PKD2L1: variants seen among roughly 807,000 people sequenced by gnomAD.
The protein encoded by PKD2L1 is polycystin 2 like 1, transient receptor potential cation channel, also known as polycystin-2-like protein 1.
Under a neutral mutation model 93.0 loss-of-function variants are expected in PKD2L1, and 77 were observed. The observed-to-expected ratio is 0.83, with a 90% CI of 0.69 to 1.00. PKD2L1 has a LOEUF of 1.00. Ranked by LOEUF, PKD2L1 falls within the 50% of genes least tolerant of loss-of-function variation. The pLI, the probability that PKD2L1 is intolerant of heterozygous loss-of-function variation, is 0.00. For missense variants in PKD2L1, 977 were observed against 990.9 expected, an observed-to-expected ratio of 0.99 and a Z score of 0.19; for synonymous variants, 390 against 388.0, an observed-to-expected ratio of 1.01 and a Z score of -0.06.
chr10:100,316,134 C>T (rs1218412192), intron 2 of PKD2L1, among the ~76,000 whole-genome samples: 1 of 152,144 alleles, frequency 6.6e-6, no homozygotes, highest in East Asian at 1.9e-4. Context: ...ACATGTCAGC[C>T]TTCCTTACTC....
chr10:100,328,047 AC>A (rs1281338927), intron 2 of PKD2L1, among the ~76,000 whole-genome samples: 1 of 152,184 alleles, frequency 6.6e-6, no homozygotes, highest in Admixed American at 6.5e-5. Flanking sequence ...AGCCTAGAAC[AC>A]CTACTAATGA....
Position 100,297,435 on chromosome 10 carries a change from C to T in PKD2L1, c.903G>A (p.Val301=). Reference sequence around the variant, plus strand: ...CATTGTAGACTGAGAAGTCGATGAACACCACTCGAGTGCCCCTGTCCAGCC... The same window carrying T: ...CATTGTAGACTGAGAAGTCGATGAATACCACTCGAGTGCCCCTGTCCAGCC... ...GLWLDRGTRV[V]FIDFSVYNAN... Residue 301 remains valine, a synonymous_variant, in exon 5 of 16, where the codon GTG becomes GTA. Transcript: ENST00000318222. 8 of 1,614,160 alleles carry T rather than the reference C, an allele frequency of 5.0e-6. No individual in the cohort carries two copies. The highest frequency in any genetic ancestry group is 3.3e-5 in the Admixed American group (2 of 60,012).
intron 2 of PKD2L1, among the ~76,000 whole-genome samples, chr10:100,305,012 A>C (rs1302829095): frequency 6.6e-6 from 1 of 152,192 alleles, no homozygotes; most frequent in Non-Finnish European, 1.5e-5. Context: ...TAGCTTCCCA[A>C]TAAGTGTTTG....
At chr10:100,303,698 A>G (rs541222140) in intron 2 of PKD2L1, among the ~76,000 whole-genome samples, 1 of 152,342 alleles carries the variant, frequency 6.6e-6, no homozygotes, top group South Asian at 2.1e-4. Flanking sequence ...CACACTGTTA[A>G]GTCCAAGATA....
intron 2 of PKD2L1, among the ~76,000 whole-genome samples, chr10:100,321,860 C>A (rs796601556): frequency 0.87 from 6,777 of 7,824 alleles, 3,282 homozygotes; most frequent in Non-Finnish European, 0.98. Flanking sequence ...AGAAGGCAGG[C>A]AGGCAGGCAG....
chr10:100,323,622 T>C (rs1346037425), intron 2 of PKD2L1, among the ~76,000 whole-genome samples: 1 of 152,148 alleles, frequency 6.6e-6, no homozygotes, highest in African/African-American at 2.4e-5. Context: ...GTATACATCA[T>C]GGAATGATCA....
At chr10:100,288,651 C>T (rs1035798102) in intron 15 of PKD2L1, among the ~76,000 whole-genome samples, 173 bp from the exon 16 acceptor site, 1 of 152,136 alleles carries the variant, frequency 6.6e-6, no homozygotes, top group Non-Finnish European at 1.5e-5. Flanking sequence ...AGCCATTACC[C>T]TCCCTCTCTT....
intron 2 of PKD2L1, among the ~76,000 whole-genome samples, chr10:100,325,612 T>C (rs1227910310): frequency 6.6e-6 from 1 of 152,166 alleles, no homozygotes; most frequent in African/African-American, 2.4e-5. Flanking sequence ...AATGGCACAT[T>C]TTCAGGTAGT....
chr10:100,324,955 C>T (rs1207277403), intron 2 of PKD2L1, among the ~76,000 whole-genome samples: 1 of 152,196 alleles, frequency 6.6e-6, no homozygotes, highest in South Asian at 2.1e-4. Context: ...AACACAACAG[C>T]CACCCCGCTT....
At chr10:100,294,385 A>G in intron 9 of PKD2L1, 150 bp downstream of exon 9, 1 of 799,162 alleles carries the variant, frequency 1.3e-6, no homozygotes, top group Non-Finnish European at 2.0e-6. Flanking sequence ...TACTACATTA[A>G]CCATCTCTCA....
intron 1 of PKD2L1, 27 bp downstream of exon 1, chr10:100,329,842 C>G (rs751020758): frequency 3.4e-6 from 5 of 1,474,400 alleles, no homozygotes; most frequent in Non-Finnish European, 4.7e-6. Context: ...TCTAATATCC[C>G]AGGAGAACTG....
At position 100,293,007 on chromosome 10, in the gene PKD2L1, C is replaced by T. The variant is rs375414109; in HGVS notation, c.1821G>A (p.Lys607=). 6.2e-7 allele frequency: 1 copy of T among 1,614,060 alleles called. No homozygotes were observed. Among genetic ancestry groups the T allele is most frequent in the East Asian group, 2.2e-5 (1 of 44,888 alleles). The part of the protein sequence containing the change: ...LRKERVSDVQ[K]VLQGGEQEIQ... ...TCTCCTGCTCCCCACCCTGCAGGAC[C>T]TTCTGCACATCCGAAACCCTCTCCT... The change falls in exon 11 of 16, where the codon AAG becomes AAA. Residue 607 remains lysine (K), a synonymous_variant. Transcript: ENST00000318222.
chr10:100,325,646 A>T (rs1276157641), intron 2 of PKD2L1, among the ~76,000 whole-genome samples: 4 of 152,140 alleles, frequency 2.6e-5, no homozygotes, highest in African/African-American at 9.7e-5. Context: ...GGTCTTTATT[A>T]AGAGTGCAAT....
At chr10:100,329,460 T>TG in intron 1 of PKD2L1, 136 bp from the exon 2 acceptor site, 1 of 1,221,550 alleles carries the variant, frequency 8.2e-7, no homozygotes, top group Non-Finnish European at 1.1e-6. Context: ...CTTGGCTGAA[T>TG]CTGGCTACTG....
intron 2 of PKD2L1, among the ~76,000 whole-genome samples, chr10:100,325,032 T>C (rs1389357603): frequency 1.3e-5 from 2 of 152,216 alleles, no homozygotes; most frequent in Non-Finnish European, 2.9e-5. Context: ...GTCAGCATAC[T>C]GACTAGCCAA....
At chr10:100,305,366 G>A (rs1030317390) in intron 2 of PKD2L1, among the ~76,000 whole-genome samples, 1 of 151,926 alleles carries the variant, frequency 6.6e-6, no homozygotes, top group Non-Finnish European at 1.5e-5. Context: ...CACTTGCCTT[G>A]GCCTCCCAAA....
intron 4 of PKD2L1, 50 bp downstream of exon 4, chr10:100,298,512 C>T: frequency 6.3e-7 from 1 of 1,588,068 alleles, no homozygotes; most frequent in Non-Finnish European, 8.6e-7. Context: ...GGGATGGTGT[C>T]AGGTTTAGAG....
At chr10:100,321,864 C>A (rs1428649939) in intron 2 of PKD2L1, among the ~76,000 whole-genome samples, 1 of 14,726 alleles carries the variant, frequency 6.8e-5, no homozygotes, top group East Asian at 1.3e-3. Context: ...GGCAGGCAGG[C>A]AGGCAGGCAG....
rs570625576 is a variant in PKD2L1, at chr10:100,321,175, C to T, written c.349+8036G>A. ...ATCAGCCTAGAAAATATAGCAACACCCGACACAGGCACAGTGGCTCACGCC... is the reference window on the plus strand; with the variant it reads ...ATCAGCCTAGAAAATATAGCAACACTCGACACAGGCACAGTGGCTCACGCC... On this transcript the variant is annotated intron_variant, in intron 2 of 15. Transcript: ENST00000318222. Among the ~76,000 whole-genome samples, 4 of 152,020 alleles carry T rather than the reference C, an allele frequency of 2.6e-5. No homozygotes were observed. In the South Asian group the frequency reaches 8.3e-4, roughly 32 times the overall value.
Sources: gnomAD v4.1 joint callset for allele counts (sites outside exome capture counted in the v4.1 genomes callset) on GRCh38, gnomAD v4.1.1 for gene constraint, MANE v1.5 for transcripts, NCBI Gene and HGNC (gene_info 2026-07-23, HGNC 2026-07-21) for gene names.